Variants in FNBP1L observed in about 807,000 individuals in gnomAD.
FNBP1L encodes the protein formin-binding protein 1-like.
Under a neutral mutation model 91.2 loss-of-function variants are expected in FNBP1L, and 36 were observed. That is an observed-to-expected ratio of 0.39 (90% confidence interval 0.30 to 0.52). The LOEUF (loss-of-function observed/expected upper bound fraction) is 0.52. FNBP1L is among the 20% of genes least tolerant of loss of function. The probability of loss-of-function intolerance (pLI) is 0.66; values close to 1 mark genes in which losing one functional copy is unlikely to be tolerated. For missense variants in FNBP1L, 571 were observed against 732.1 expected (o/e 0.78, Z 2.54); for synonymous variants, 242 against 237.0 (o/e 1.02, Z -0.19).
At chr1:93,462,848 T>G (rs1487084780) in intron 1 of FNBP1L, among the ~76,000 whole-genome samples, 1 of 152,148 alleles carries the variant, frequency 6.6e-6, no homozygotes, top group African/African-American at 2.4e-5. Context: ...TACTGTACTC[T>G]GGAAGGAAGT....
At chr1:93,552,303 T>C in intron 16 of FNBP1L, 106 bp from the exon 17 acceptor site, 1 of 1,497,600 alleles carries the variant, frequency 6.7e-7, no homozygotes. Flanking sequence ...TAGCTGACTA[T>C]AAAATGATAG....
At chr1:93,524,060 A>G (rs932089451) in intron 4 of FNBP1L, among the ~76,000 whole-genome samples, 6 of 152,182 alleles carry the variant, frequency 3.9e-5, no homozygotes, top group Non-Finnish European at 7.4e-5. Flanking sequence ...TTAAGACAAT[A>G]TCCTATAAAA....
In FNBP1L at chr1:93,534,785, T is replaced by C; in HGVS notation, c.867T>C (p.His289=). Residue 289 remains histidine, a synonymous_variant, in exon 9 of 17, where the codon CAT becomes CAC. Coordinates refer to ENST00000271234, the MANE Select transcript of FNBP1L (RefSeq NM_001164473.3). The part of the protein sequence containing the change: ...GDFPFEDYSQ[H]IYRTISDGTI... ...TTCCATTTGAAGATTACAGTCAACA[T>C]ATATATAGAACCATTTCTGATGGGA... 6.4e-7 allele frequency: 1 copy of C among 1,570,718 alleles called. No individual in the cohort carries two copies. The highest frequency in any genetic ancestry group is 1.2e-5 in the South Asian group (1 of 85,422).
At chr1:93,492,681 T>C (rs1413984260) in intron 1 of FNBP1L, among the ~76,000 whole-genome samples, 2 of 151,926 alleles carry the variant, frequency 1.3e-5, no homozygotes, top group African/African-American at 2.4e-5. Flanking sequence ...GACCCCGTCT[T>C]TACAAAATAT....
In FNBP1L at chr1:93,467,006, G is replaced by A. The variant is rs888290261; in HGVS notation, c.24+18701G>A. Among the ~76,000 whole-genome samples the A allele has an allele frequency of 1.5e-4, 23 of 152,076 alleles. No individual in the cohort carries two copies. In the East Asian group the frequency reaches 1.7e-3, roughly 12 times the overall value. ...AGAGTAGCTGGAAGTACAGGTGTGC[G>A]CCACCATACCTGGCTAATTTTTGTA... On this transcript the variant is annotated intron_variant, in intron 1 of 16. Coordinates refer to ENST00000271234, the MANE Select transcript of FNBP1L (RefSeq NM_001164473.3).
chr1:93,495,992 T>G (rs1295893753), intron 1 of FNBP1L, among the ~76,000 whole-genome samples: 3 of 152,116 alleles, frequency 2.0e-5, no homozygotes, highest in Non-Finnish European at 4.4e-5. Context: ...TTTTAAGAAA[T>G]TGACTCGTGA....
At chr1:93,510,548 C>A (rs1254225311) in intron 2 of FNBP1L, among the ~76,000 whole-genome samples, 1 of 151,948 alleles carries the variant, frequency 6.6e-6, no homozygotes, top group African/African-American at 2.4e-5. Flanking sequence ...AAAAGCAGAG[C>A]GCCTCTCCTC....
chr1:93,538,577 G>T (rs1313442177), intron 10 of FNBP1L, among the ~76,000 whole-genome samples: 2 of 151,854 alleles, frequency 1.3e-5, no homozygotes, highest in Admixed American at 1.3e-4. Flanking sequence ...TTACCGTTTG[G>T]TATTTACTAG....
At position 93,485,964 on chromosome 1, in the gene FNBP1L, C is replaced by G. The variant is rs183704214; in HGVS notation, c.25-13504C>G. On this transcript the variant is annotated intron_variant, in intron 1 of 16. Coordinates refer to ENST00000271234, the MANE Select transcript of FNBP1L (RefSeq NM_001164473.3). ...CTGCCTGCCTCAGCCTCCTGAAGTG[C>G]TGGGATTACAGGCGTGAGCCAACGT... Among the ~76,000 whole-genome samples the G allele has an allele frequency of 2.1e-4, 32 of 152,324 alleles. No homozygotes were observed. The East Asian group carries it at 5.8e-3, about 28-fold the overall frequency.
intron 1 of FNBP1L, among the ~76,000 whole-genome samples, chr1:93,467,575 C>A (rs112572885): frequency 3.3e-5 from 5 of 152,162 alleles, no homozygotes; most frequent in African/African-American, 9.6e-5. Flanking sequence ...GATGGTTGTA[C>A]AACAGTATGA....
At chr1:93,451,694 T>C (rs1668499981) in intron 1 of FNBP1L, among the ~76,000 whole-genome samples, 1 of 152,146 alleles carries the variant, frequency 6.6e-6, no homozygotes, top group Admixed American at 6.5e-5. Context: ...TTCTGTTGCC[T>C]AGCCTGGAGT....
intron 1 of FNBP1L, among the ~76,000 whole-genome samples, chr1:93,486,185 A>T (rs540880370): frequency 6.6e-6 from 1 of 152,338 alleles, no homozygotes; most frequent in African/African-American, 2.4e-5. Context: ...CTAAGTGAAC[A>T]TGGAAAATGT....
chr1:93,483,878 T>G (rs1669805359), intron 1 of FNBP1L, among the ~76,000 whole-genome samples: 1 of 152,212 alleles, frequency 6.6e-6, no homozygotes, highest in Non-Finnish European at 1.5e-5. Context: ...CAAAGCTAAT[T>G]AAGTCAAGAC....
At chr1:93,470,439 T>C (rs1383441603) in intron 1 of FNBP1L, among the ~76,000 whole-genome samples, 1 of 152,248 alleles carries the variant, frequency 6.6e-6, no homozygotes, top group East Asian at 1.9e-4. Context: ...TGTCTGTTAC[T>C]TTTTAAAAGA....
intron 1 of FNBP1L, among the ~76,000 whole-genome samples, chr1:93,483,046 A>G (rs1669770017): frequency 6.6e-6 from 1 of 151,298 alleles, no homozygotes; most frequent in Non-Finnish European, 1.5e-5. Flanking sequence ...AAAAACAAAA[A>G]GTAGCCAAGC....
intron 1 of FNBP1L, among the ~76,000 whole-genome samples, chr1:93,494,423 A>C (rs955515465): frequency 6.6e-6 from 1 of 152,198 alleles, no homozygotes; most frequent in African/African-American, 2.4e-5. Context: ...TGATTAAATC[A>C]TTAATTATTG....
chr1:93,502,032 C>G (rs6674222), intron 2 of FNBP1L, among the ~76,000 whole-genome samples: 4,202 of 152,026 alleles, frequency 0.028, 201 homozygotes, highest in African/African-American at 0.096. Context: ...TTAAAAAAAT[C>G]AGGTGTACCA....
chr1:93,552,288 T>C, intron 16 of FNBP1L, 121 bp from the exon 17 acceptor site: 1 of 1,473,322 alleles, frequency 6.8e-7, no homozygotes, highest in Non-Finnish European at 9.0e-7. Context: ...TCCTGGTGTT[T>C]TCGGTAGCTG....
intron 2 of FNBP1L, among the ~76,000 whole-genome samples, chr1:93,509,581 T>C (rs879584769): frequency 6.6e-6 from 1 of 152,210 alleles, no homozygotes; most frequent in Non-Finnish European, 1.5e-5. Flanking sequence ...AAAATGTTGA[T>C]ATATAAAATG....
Sources: allele counts gnomAD v4.1 joint callset (sites outside exome capture counted in the v4.1 genomes callset), GRCh38; gene constraint gnomAD v4.1.1; transcripts MANE v1.5; gene names NCBI Gene and HGNC (gene_info 2026-07-23, HGNC 2026-07-21).